The following MYLK4 variants were observed in gnomAD, a reference collection of about 807,000 sequenced individuals.
The protein encoded by MYLK4 is myosin light chain kinase family member 4.
In MYLK4, 46 loss-of-function variants were observed where a neutral mutation model predicts 48.1. The ratio of observed to expected loss-of-function variants is 0.96; its 90% CI spans 0.75 to 1.22. The LOEUF is 1.22. Among genes scored for constraint, MYLK4 ranks in the 50% most tolerant of loss-of-function variants. The pLI is 0.00. For synonymous variants in MYLK4, 170 were observed against 180.8 expected (o/e 0.94, Z 0.48); for missense variants, 451 against 486.1 (o/e 0.93, Z 0.68).
chr6:2,693,100 C>T (rs1034485522), intron 2 of MYLK4, among the ~76,000 whole-genome samples: 1 of 152,090 alleles, frequency 6.6e-6, no homozygotes, highest in African/African-American at 2.4e-5. Flanking sequence ...TCACCCCAGG[C>T]TGAAAACTAC....
chr6:2,736,655 T>A (rs548193340), intron 2 of MYLK4, among the ~76,000 whole-genome samples: 95 of 152,346 alleles, frequency 6.2e-4, no homozygotes, highest in African/African-American at 2.0e-3. Context: ...TTTCCATTCT[T>A]CCTGACATCC....
In MYLK4 at chr6:2,747,831, A is replaced by G. The variant is rs147203208; in HGVS notation, c.159+1305T>C. Among the ~76,000 whole-genome samples, 836 of 152,316 alleles carry G rather than the reference A, an allele frequency of 5.5e-3. 7 individuals carry two copies. Among genetic ancestry groups the G allele is most frequent in the African/African-American group, 0.019 (770 of 41,570 alleles). ...CCTACCGAAATTAATAAACAGAAAA[A>G]ATTATCCTGTTTGTACCACTGAAAA... On this transcript the variant is annotated intron_variant, in intron 2 of 12. Coordinates refer to ENST00000274643, the MANE Select transcript of MYLK4 (RefSeq NM_001012418.5).
chr6:2,712,762 A>T (rs1467674562), intron 2 of MYLK4, among the ~76,000 whole-genome samples: 1 of 152,174 alleles, frequency 6.6e-6, no homozygotes, highest in Non-Finnish European at 1.5e-5. Context: ...AAAACTGGAC[A>T]CAAGCTACTC....
the MYLK4 span, among the ~76,000 whole-genome samples, chr6:2,769,554 A>C: frequency 1.3e-5 from 2 of 152,196 alleles, no homozygotes; most frequent in African/African-American, 4.8e-5. Flanking sequence ...ACAAAACTCT[A>C]CTGAGCCTTT....
At chr6:2,675,370 C>A (rs568651764) in intron 10 of MYLK4, among the ~76,000 whole-genome samples, 64 of 152,288 alleles carry the variant, frequency 4.2e-4, no homozygotes, top group African/African-American at 1.5e-3. Context: ...AATAACTGAA[C>A]ATTTACTTTC....
intron 7 of MYLK4, 49 bp downstream of exon 7, chr6:2,682,972 G>T (rs781092256): frequency 6.2e-7 from 1 of 1,610,882 alleles, no homozygotes; most frequent in South Asian, 1.1e-5. Flanking sequence ...GGCCCACTGT[G>T]CAAGAGCTGG....
At chr6:2,693,344 A>C (rs1188548839) in intron 2 of MYLK4, among the ~76,000 whole-genome samples, 1 of 152,232 alleles carries the variant, frequency 6.6e-6, no homozygotes, top group Non-Finnish European at 1.5e-5. Context: ...AGTTGTCTTG[A>C]TATGGTTGAC....
intron 2 of MYLK4, among the ~76,000 whole-genome samples, chr6:2,736,855 C>A (rs932438854): frequency 6.6e-6 from 1 of 152,210 alleles, no homozygotes; most frequent in South Asian, 2.1e-4. Flanking sequence ...GGAATCTCTC[C>A]TGCCCCTTTT....
At chr6:2,699,101 C>A (rs974156414) in intron 2 of MYLK4, among the ~76,000 whole-genome samples, 1 of 152,020 alleles carries the variant, frequency 6.6e-6, no homozygotes, top group Non-Finnish European at 1.5e-5. Flanking sequence ...CACTCGGAAG[C>A]CAAGTAAATG....
At chr6:2,763,952 A>C in the MYLK4 span, among the ~76,000 whole-genome samples, 1 of 152,288 alleles carries the variant, frequency 6.6e-6, no homozygotes, top group East Asian at 1.9e-4. Flanking sequence ...TTCGAGGAAG[A>C]AACCCCGTCT....
At position 2,677,027 on chromosome 6, in the gene MYLK4, C is replaced by A. The variant is rs551744000; in HGVS notation, c.1040+1193G>T. Among the ~76,000 whole-genome samples, 34 of 152,138 alleles carry A rather than the reference C, an allele frequency of 2.2e-4. 1 individual carries two copies. Among genetic ancestry groups the A allele is most frequent in the African/African-American group, 7.7e-4 (32 of 41,514 alleles). On this transcript the variant is annotated intron_variant, in intron 10 of 12. Coordinates refer to ENST00000274643, the MANE Select transcript of MYLK4 (RefSeq NM_001012418.5). ...TGTGCCTTTCCATCAAGGCACAATA[C>A]TAGCCAAGGTTATTATTATTATTAA... is the stretch of plus-strand genomic sequence containing the variant.
intron 2 of MYLK4, among the ~76,000 whole-genome samples, chr6:2,739,260 A>C (rs1269730861): frequency 5.3e-5 from 8 of 152,152 alleles, no homozygotes; most frequent in Admixed American, 3.3e-4. Flanking sequence ...ACCAGAACCA[A>C]CACAGTGTCT....
chr6:2,769,653 A>G, the MYLK4 span, among the ~76,000 whole-genome samples: 7 of 152,298 alleles, frequency 4.6e-5, no homozygotes, highest in East Asian at 1.2e-3. Context: ...GACTCATCTT[A>G]GTATTTTTTC....
At chr6:2,722,512 A>AGTGTGTGTGTGTGT (rs369339405) in intron 2 of MYLK4, among the ~76,000 whole-genome samples, 10 of 139,542 alleles carry the variant, frequency 7.2e-5, no homozygotes, top group Admixed American at 4.3e-4. Context: ...ACATAAAAGG[A>AGTGTGTGTGTGTGT]GTGTGTGTGT....
In MYLK4 at chr6:2,665,829, G is replaced by A. The variant is rs1760627771; in HGVS notation, c.*2096C>T. The A allele has an allele frequency of 6.6e-6, 1 of 152,096 alleles. No individual in the cohort carries two copies. Among genetic ancestry groups the A allele is most frequent in the African/African-American group, 2.4e-5 (1 of 41,402 alleles). 9.4% of individuals were successfully genotyped at this position (152,096 alleles called of 1,614,324 possible). ...GCGGTCTAACTAAGTATTAATGCATGCACTGGCTTGTATTTTTCCAGGCTC... is the reference window on the plus strand; with the variant it reads ...GCGGTCTAACTAAGTATTAATGCATACACTGGCTTGTATTTTTCCAGGCTC... On this transcript the variant is annotated 3_prime_UTR_variant, in exon 13 of 13. Coordinates refer to ENST00000274643, the MANE Select transcript of MYLK4 (RefSeq NM_001012418.5).
chr6:2,761,350 C>T, the MYLK4 span, among the ~76,000 whole-genome samples: 1 of 151,980 alleles, frequency 6.6e-6, no homozygotes, highest in South Asian at 2.1e-4. Context: ...TTATACTATA[C>T]GAGTTTAAAT....
At chr6:2,735,624 C>T (rs1023849727) in intron 2 of MYLK4, among the ~76,000 whole-genome samples, 3 of 152,174 alleles carry the variant, frequency 2.0e-5, no homozygotes, top group African/African-American at 7.2e-5. Context: ...GGGGACGGAG[C>T]TGCAGCTTTT....
At chr6:2,764,819 C>T in the MYLK4 span, among the ~76,000 whole-genome samples, 6 of 152,068 alleles carry the variant, frequency 3.9e-5, no homozygotes, top group South Asian at 4.1e-4. Flanking sequence ...TAAAAGGGGG[C>T]GAGGGACGCT....
intron 2 of MYLK4, among the ~76,000 whole-genome samples, chr6:2,725,589 A>AAGAGAAAGAAAGAAAGAGAAAG (rs370777783): frequency 6.9e-6 from 1 of 145,148 alleles, no homozygotes; most frequent in Non-Finnish European, 1.5e-5. Flanking sequence ...AAGAAAGAGA[A>AAGAGAAAGAAAGAAAGAGAAAG]AGAAAGAAAG....
Sources: gnomAD v4.1 joint callset for allele counts (sites outside exome capture counted in the v4.1 genomes callset) on GRCh38, gnomAD v4.1.1 for gene constraint, MANE v1.5 for transcripts, NCBI Gene and HGNC (gene_info 2026-07-23, HGNC 2026-07-21) for gene names.